Variants in STS observed in about 807,000 individuals in gnomAD.
STS encodes the protein steryl-sulfatase.
A neutral mutation model predicts 26.8 loss-of-function variants in STS; 7 were observed. The ratio of observed to expected loss-of-function variants is 0.26; its 90% CI spans 0.15 to 0.49. The LOEUF is 0.49. STS is among the 20% of genes least tolerant of loss of function. The pLI, the probability that STS is intolerant of heterozygous loss-of-function variation, is 0.98. For missense variants in STS, 434 were observed against 465.6 expected (o/e 0.93, Z 0.63); for synonymous variants, 199 against 189.4 (o/e 1.05, Z -0.42).
intron 1 of STS, among the ~76,000 whole-genome samples, chrX:7,153,333 T>C (rs1335531213): frequency 9.8e-6 from 1 of 102,398 alleles, no homozygotes; most frequent in African/African-American, 3.6e-5. Flanking sequence ...TTCCTCCTTC[T>C]CTCTTTTCCT....
At chrX:7,245,658 A>G (rs779431995) in intron 2 of STS, among the ~76,000 whole-genome samples, 1 of 112,641 alleles carries the variant, frequency 8.9e-6, no homozygotes, top group Admixed American at 9.4e-5. Flanking sequence ...GAATGCTTCC[A>G]GTGCAGCAGG....
At chrX:7,164,481 G>T (rs1933309908) in intron 1 of STS, among the ~76,000 whole-genome samples, 1 of 110,434 alleles carries the variant, frequency 9.1e-6, no homozygotes, top group Non-Finnish European at 1.9e-5. Flanking sequence ...AGAACACTCA[G>T]GAACTGAAAT....
chrX:7,248,991 T>C (rs1845505586), intron 2 of STS, among the ~76,000 whole-genome samples: 1 of 111,194 alleles, frequency 9.0e-6, no homozygotes, highest in South Asian at 3.8e-4. Context: ...CAGCCCAACC[T>C]ATGCCCAAGG....
chrX:7,325,579 G>A (rs938527888), intron 9 of STS, 81 bp downstream of exon 9: 89 of 1,113,194 alleles, frequency 8.0e-5, no homozygotes, highest in Non-Finnish European at 1.1e-4. Flanking sequence ...GCATAATGGT[G>A]TGGGGACCAA....
chrX:7,250,180 G>A (rs931711403), intron 2 of STS, among the ~76,000 whole-genome samples: 10 of 110,293 alleles, frequency 9.1e-5, no homozygotes, highest in Admixed American at 9.7e-5. Flanking sequence ...CTCCCTGCTC[G>A]GCCTCCCAAA....
At chrX:7,240,711 C>T (rs190258845) in intron 2 of STS, among the ~76,000 whole-genome samples, 58 of 108,499 alleles carry the variant, frequency 5.3e-4, no homozygotes, top group African/African-American at 1.9e-3. Context: ...TCTGACACTT[C>T]ACATCCAGGC....
intron 1 of STS, among the ~76,000 whole-genome samples, chrX:7,186,293 G>A (rs1484324993): frequency 3.6e-5 from 4 of 112,190 alleles, no homozygotes; most frequent in Non-Finnish European, 5.6e-5. Flanking sequence ...CATATAAAGG[G>A]GATAGGAAAA....
chrX:7,328,181 A>G (rs1927568953), intron 9 of STS, among the ~76,000 whole-genome samples: 1 of 111,785 alleles, frequency 8.9e-6, no homozygotes, highest in African/African-American at 3.3e-5. Context: ...TGTTCAGCCA[A>G]TCTCATTTAT....
chrX:7,245,833 C>T (rs1223633096), intron 2 of STS, among the ~76,000 whole-genome samples: 2 of 111,992 alleles, frequency 1.8e-5, no homozygotes, highest in East Asian at 2.8e-4. Flanking sequence ...TGAAGATTGG[C>T]CTCTCCAAAT....
In STS at chrX:7,332,163, CA is replaced by C. The variant is rs1313202123; in HGVS notation, c.1242-1811del. The stretch of plus-strand genomic sequence containing the variant: ...CAAGGCCAGTCTGGGCAAATCGCTC[CA>C]AAAAAAAAAAATGAAAAATAGCTGG... On this transcript the variant is annotated intron_variant, in intron 9 of 10. Transcript: ENST00000674429. Among the ~76,000 whole-genome samples, 245 of 96,096 alleles carry C rather than the reference CA, an allele frequency of 2.5e-3. 2 individuals carry two copies. The highest frequency in any genetic ancestry group is 3.5e-3 in the Non-Finnish European group (168 of 47,388). 83.4% of individuals were successfully genotyped at this position (96,096 alleles called of 115,157 possible). A position where few individuals can be genotyped will look rare whatever the true frequency, so the allele number is the denominator to read the frequency against.
chrX:7,172,149 G>A (rs1161817366), intron 1 of STS, among the ~76,000 whole-genome samples: 1 of 111,463 alleles, frequency 9.0e-6, no homozygotes, highest in Non-Finnish European at 1.9e-5. Flanking sequence ...TTTGAACACA[G>A]GTCATGTGAA....
intron 7 of STS, among the ~76,000 whole-genome samples, chrX:7,278,297 G>C (rs1924636718): frequency 8.9e-6 from 1 of 112,156 alleles, no homozygotes; most frequent in African/African-American, 3.2e-5. Context: ...GGACGGGACT[G>C]TTGGATTCTG....
At chrX:7,238,512 G>A (rs889642724) in intron 2 of STS, among the ~76,000 whole-genome samples, 6 of 110,425 alleles carry the variant, frequency 5.4e-5, no homozygotes, top group Admixed American at 9.7e-5. Context: ...TGCATCAACT[G>A]GAGCAATGAC....
rs1928875136 is a variant in STS at position 7,353,192 on chromosome X, A to G, written c.*2931A>G. On this transcript the variant is annotated 3_prime_UTR_variant, in exon 11 of 11. Transcript: ENST00000674429. Reference sequence around the variant, plus strand: ...GTTCCAGTTCTGCAAAGATTCGTCAACTTTCTTAGCTCAAGAGAGAGGCTG... The same window carrying G: ...GTTCCAGTTCTGCAAAGATTCGTCAGCTTTCTTAGCTCAAGAGAGAGGCTG... 1 of 111,394 alleles carries G rather than the reference A, an allele frequency of 9.0e-6. No individual in the cohort carries two copies. The highest frequency in any genetic ancestry group is 3.7e-4 in the South Asian group (1 of 2,677). The allele number at this position is 111,394 out of a possible 1,213,427, so 9.2% of individuals were successfully genotyped here.
At chrX:7,159,211 C>T (rs940085216) in intron 1 of STS, among the ~76,000 whole-genome samples, 12 of 110,444 alleles carry the variant, frequency 1.1e-4, no homozygotes, top group Non-Finnish European at 2.1e-4. Context: ...GGTTATTTTT[C>T]CTGGGGTGTG....
intron 7 of STS, among the ~76,000 whole-genome samples, chrX:7,286,286 G>A (rs962596197): frequency 1.8e-5 from 2 of 110,668 alleles, no homozygotes; most frequent in Non-Finnish European, 3.8e-5. Flanking sequence ...GGAAACTGCA[G>A]TTAAAAAAAA....
At chrX:7,338,961 C>T (rs1409996618) in intron 10 of STS, among the ~76,000 whole-genome samples, 5 of 111,701 alleles carry the variant, frequency 4.5e-5, no homozygotes, top group Admixed American at 9.5e-5. Flanking sequence ...TGTTCCTTTC[C>T]GGCTTTCTGA....
At chrX:7,241,043 C>G (rs1420447495) in intron 2 of STS, among the ~76,000 whole-genome samples, 1 of 111,437 alleles carries the variant, frequency 9.0e-6, no homozygotes, top group Non-Finnish European at 1.9e-5. Context: ...TTATCCTGAC[C>G]TCTTCTCCAC....
At chrX:7,201,704 C>T (rs1451480981) in intron 2 of STS, among the ~76,000 whole-genome samples, 1 of 108,281 alleles carries the variant, frequency 9.2e-6, no homozygotes, top group Non-Finnish European at 1.9e-5. Context: ...GTGGGAGATC[C>T]GCTGTGCTTT....
Sources: allele counts gnomAD v4.1 joint callset (sites outside exome capture counted in the v4.1 genomes callset), GRCh38; gene constraint gnomAD v4.1.1; transcripts MANE v1.5; gene names NCBI Gene and HGNC (gene_info 2026-07-23, HGNC 2026-07-21).